Variants in KLF8 observed in about 807,000 individuals in gnomAD.
The protein encoded by KLF8 is KLF transcription factor 8.
Under a neutral mutation model 18.2 loss-of-function variants are expected in KLF8, and 10 were observed. The observed-to-expected ratio is 0.55, with a 90% CI of 0.34 to 0.93. KLF8 has a LOEUF of 0.93. Among genes scored for constraint, KLF8 ranks in the 40% least tolerant of loss-of-function variants. KLF8 has a pLI of 0.02. For synonymous variants in KLF8, 109 were observed against 97.3 expected, an observed-to-expected ratio of 1.12 and a Z score of -0.71; for missense variants, 264 against 277.9, an observed-to-expected ratio of 0.95 and a Z score of 0.36.
intron 5 of KLF8, among the ~76,000 whole-genome samples, chrX:56,275,368 AT>A (rs987729762): frequency 1.8e-5 from 2 of 111,282 alleles, no homozygotes; most frequent in Admixed American, 9.6e-5. Context: ...AACTTTACTA[AT>A]TTTTTTTAAT....
chrX:56,069,528 A>C, the KLF8 span, among the ~76,000 whole-genome samples: 1 of 110,831 alleles, frequency 9.0e-6, no homozygotes, highest in Non-Finnish European at 1.9e-5. Flanking sequence ...GACAGTAGGG[A>C]TGGCATCCCC....
At chrX:56,212,427 C>T in the KLF8 span, among the ~76,000 whole-genome samples, 1 of 112,213 alleles carries the variant, frequency 8.9e-6, no homozygotes, top group Non-Finnish European at 1.9e-5. Flanking sequence ...GATGGCCTTT[C>T]AAGTTTACTT....
the KLF8 span, among the ~76,000 whole-genome samples, chrX:56,085,696 C>A: frequency 8.9e-6 from 1 of 112,322 alleles, no homozygotes; most frequent in Non-Finnish European, 1.9e-5. Flanking sequence ...GTAAGAAAAA[C>A]AGATGAACCA....
chrX:55,970,882 A>G, the KLF8 span, among the ~76,000 whole-genome samples: 1 of 111,424 alleles, frequency 9.0e-6, no homozygotes, highest in Admixed American at 9.6e-5. Context: ...TATAATGAAA[A>G]CTGTAAAACA....
the KLF8 span, among the ~76,000 whole-genome samples, chrX:55,956,181 T>C: frequency 1.8e-5 from 2 of 108,940 alleles, no homozygotes; most frequent in African/African-American, 6.8e-5. Flanking sequence ...TCTATCTATC[T>C]ATCTATCTAT....
chrX:56,125,676 C>T, the KLF8 span, among the ~76,000 whole-genome samples: 1 of 112,265 alleles, frequency 8.9e-6, no homozygotes, highest in East Asian at 2.8e-4. Context: ...ATCCATTACT[C>T]TAATTGTAAA....
chrX:56,013,848 T>C, the KLF8 span, among the ~76,000 whole-genome samples: 4 of 111,624 alleles, frequency 3.6e-5, no homozygotes, highest in South Asian at 1.5e-3. Context: ...TACCCAGTCT[T>C]GGGTATGCCT....
At chrX:56,155,115 A>G in the KLF8 span, among the ~76,000 whole-genome samples, 1 of 110,631 alleles carries the variant, frequency 9.0e-6, no homozygotes, top group Non-Finnish European at 1.9e-5. Flanking sequence ...GTATATATCC[A>G]AAGGACTATA....
chrX:56,187,307 C>T, the KLF8 span, among the ~76,000 whole-genome samples: 4 of 111,733 alleles, frequency 3.6e-5, no homozygotes, highest in Non-Finnish European at 1.9e-5. Flanking sequence ...CATACACCCT[C>T]CCAAGACTAA....
chrX:55,911,856 G>C, the KLF8 span, among the ~76,000 whole-genome samples: 2 of 112,079 alleles, frequency 1.8e-5, no homozygotes, highest in Non-Finnish European at 3.8e-5. Context: ...TGTGTGTAAA[G>C]GGAGACTTGT....
At chrX:56,199,359 C>T in the KLF8 span, among the ~76,000 whole-genome samples, 22 of 111,591 alleles carry the variant, frequency 2.0e-4, no homozygotes, top group Admixed American at 1.6e-3. Context: ...GGCTAATATC[C>T]AGAATCTACA....
chrX:56,265,365 C>T lies in KLF8; in HGVS notation c.267C>T (p.Leu89=). ...FSLPQVEPVD[L]SFHKPKAPLQ... The stretch of plus-strand genomic sequence containing the variant: ...TGCCCCAAGTGGAACCAGTTGACCT[C>T]TCCTTTCACAAGCCCAAGGCTCCTC... Residue 89 remains leucine, a synonymous_variant, in exon 3 of 6, where the codon CTC becomes CTT. Coordinates refer to ENST00000468660, the MANE Select transcript of KLF8 (RefSeq NM_007250.5). 8.3e-7 allele frequency: 1 copy of T among 1,210,692 alleles called. No homozygotes were observed. The highest frequency in any genetic ancestry group is 1.1e-6 in the Non-Finnish European group (1 of 895,037).
At chrX:55,961,848 G>T in the KLF8 span, 1 of 259,473 alleles carries the variant, frequency 3.9e-6, no homozygotes, top group Admixed American at 4.6e-5. Flanking sequence ...CCATGGGAGT[G>T]GAACCTCGTC....
the KLF8 span, among the ~76,000 whole-genome samples, chrX:56,180,759 T>C: frequency 8.9e-6 from 1 of 112,119 alleles, no homozygotes; most frequent in South Asian, 3.7e-4. Context: ...AGTTTCCATA[T>C]AGTTGTGCAG....
the KLF8 span, among the ~76,000 whole-genome samples, chrX:55,996,116 T>G: frequency 2.7e-5 from 3 of 111,841 alleles, no homozygotes; most frequent in Non-Finnish European, 5.6e-5. Flanking sequence ...AGAGCCTGTC[T>G]TCGAGGGCTG....
At chrX:56,002,359 A>C in the KLF8 span, among the ~76,000 whole-genome samples, 1 of 110,305 alleles carries the variant, frequency 9.1e-6, no homozygotes, top group South Asian at 3.9e-4. Flanking sequence ...CACACTCATC[A>C]CACTTTGTAC....
the KLF8 span, among the ~76,000 whole-genome samples, chrX:56,036,875 T>C: frequency 9.1e-5 from 10 of 109,826 alleles, no homozygotes; most frequent in Non-Finnish European, 1.5e-4. Context: ...ATTTTTCTTG[T>C]AGAAATCTGC....
chrX:56,285,365 G>C lies in KLF8; in HGVS notation c.*871G>C, dbSNP rs1261957615. The C allele has an allele frequency of 2.7e-5, 3 of 112,030 alleles. No homozygotes were observed. Among genetic ancestry groups the C allele is most frequent in the Non-Finnish European group, 3.8e-5 (2 of 53,212 alleles). The allele number at this position is 112,030 out of a possible 1,213,427, so 9.2% of individuals were successfully genotyped here. A position where few individuals can be genotyped will look rare whatever the true frequency, so the allele number is the denominator to read the frequency against. On this transcript the variant is annotated 3_prime_UTR_variant, in exon 6 of 6. Transcript: ENST00000468660. ...CCTAGGATGATCCTGAGAACAAATA[G>C]AGGGGTTCCTTTACTTGTATAGGAT...
At chrX:56,176,601 G>A in the KLF8 span, among the ~76,000 whole-genome samples, 2 of 110,567 alleles carry the variant, frequency 1.8e-5, no homozygotes, top group African/African-American at 6.6e-5. Flanking sequence ...TCTTCTCGAG[G>A]AATATCTTTG....
Sources: gnomAD v4.1 joint callset for allele counts (sites outside exome capture counted in the v4.1 genomes callset) on GRCh38, gnomAD v4.1.1 for gene constraint, MANE v1.5 for transcripts, NCBI Gene and HGNC (gene_info 2026-07-23, HGNC 2026-07-21) for gene names.